The following FBXL17 variants were observed in gnomAD, a reference collection of about 807,000 sequenced individuals.
The protein encoded by FBXL17 is F-box/LRR-repeat protein 17.
A neutral mutation model predicts 66.2 loss-of-function variants in FBXL17; 22 were observed. That is an observed-to-expected ratio of 0.33 (90% CI 0.24 to 0.47). The LOEUF is 0.47. FBXL17 is among the 20% of genes least tolerant of loss of function. The pLI is 1.00. For synonymous variants in FBXL17, 474 were observed against 400.5 expected (o/e 1.18, Z -2.19); for missense variants, 878 against 948.2 (o/e 0.93, Z 0.97).
chr5:108,327,160 T>A lies in FBXL17; in HGVS notation c.1506+21239A>T, dbSNP rs940177494. 7.9e-5 allele frequency among the ~76,000 whole-genome samples: 12 copies of A among 152,308 alleles called. No homozygotes were observed. In the East Asian group the frequency reaches 2.3e-3, roughly 29 times the overall value. On this transcript the variant is annotated intron_variant, in intron 4 of 8. Coordinates refer to ENST00000542267, the MANE Select transcript of FBXL17 (RefSeq NM_001163315.3). Reference sequence around the variant, plus strand: ...TCAGCAATAAAAAAGCAATAAACTATGATATACATACAATACTCACCTAGG... The same window carrying A: ...TCAGCAATAAAAAAGCAATAAACTAAGATATACATACAATACTCACCTAGG...
chr5:107,933,734 G>A (rs1382999594), intron 7 of FBXL17, among the ~76,000 whole-genome samples: 1 of 152,070 alleles, frequency 6.6e-6, no homozygotes, highest in African/African-American at 2.4e-5. Context: ...CAAAGTGTGA[G>A]GTAGTGTTAG....
chr5:107,963,061 A>AG (rs1238892074), intron 7 of FBXL17, among the ~76,000 whole-genome samples: 2 of 152,186 alleles, frequency 1.3e-5, no homozygotes, highest in Non-Finnish European at 2.9e-5. Context: ...TGGAGGTGCT[A>AG]ATCTCATACT....
intron 7 of FBXL17, among the ~76,000 whole-genome samples, chr5:108,011,373 A>G (rs1754162280): frequency 6.6e-6 from 1 of 152,198 alleles, no homozygotes; most frequent in Non-Finnish European, 1.5e-5. Context: ...TTTTGCTCCT[A>G]CTTTTCATTG....
chr5:108,043,905 C>T (rs1363155921), intron 6 of FBXL17, among the ~76,000 whole-genome samples: 1 of 152,164 alleles, frequency 6.6e-6, no homozygotes. Context: ...TTCTGGCATA[C>T]AATCCCTATA....
At chr5:108,368,062 G>T in intron 1 of FBXL17, 109 bp from the exon 2 acceptor site, 1 of 1,013,430 alleles carries the variant, frequency 9.9e-7, no homozygotes, top group Non-Finnish European at 1.4e-6. Context: ...AAACCTTCTT[G>T]AATAAAAGAG....
chr5:108,126,830 ATT>A (rs1750735280), intron 6 of FBXL17, among the ~76,000 whole-genome samples: 1 of 151,822 alleles, frequency 6.6e-6, no homozygotes, highest in Non-Finnish European at 1.5e-5. Context: ...CTAAAGATAC[ATT>A]TAGCAAAAAA....
intron 6 of FBXL17, among the ~76,000 whole-genome samples, chr5:108,110,909 A>G (rs998060904): frequency 1.3e-5 from 2 of 152,202 alleles, no homozygotes; most frequent in African/African-American, 4.8e-5. Context: ...AAATATCATA[A>G]TAATTATTAA....
At chr5:108,008,352 C>T (rs908109259) in intron 7 of FBXL17, among the ~76,000 whole-genome samples, 3 of 152,064 alleles carry the variant, frequency 2.0e-5, no homozygotes, top group East Asian at 1.9e-4. Context: ...AAGTTGAAAA[C>T]GAATGCTTTA....
chr5:107,880,043 G>T, intron 8 of FBXL17: 2 of 398,786 alleles, frequency 5.0e-6, no homozygotes, highest in Non-Finnish European at 6.8e-6. Flanking sequence ...GAAAACACCT[G>T]TGGAGTGCCT....
chr5:108,020,941 A>T lies in FBXL17; in HGVS notation c.1806T>A (p.Cys602Ter). The change falls in exon 7 of 9, where the codon TGT becomes TGA. Residue 602 changes from cysteine (C) to a stop codon, truncating the protein, a stop_gained. Coordinates refer to ENST00000542267, the MANE Select transcript of FBXL17 (RefSeq NM_001163315.3). LOFTEE classifies it high-confidence loss of function. ...QNLKELYLVS[C>*]KITDYALIAI... ...ATTACCTACCATAATCTGTGATTTT[A>T]CAGGACACCAAATATAGCTCTTTCA... The T allele has an allele frequency of 6.2e-7, 1 of 1,608,758 alleles. No individual in the cohort carries two copies. The highest frequency in any genetic ancestry group is 8.5e-7 in the Non-Finnish European group (1 of 1,175,802).
chr5:108,318,913 T>C (rs925933392), intron 4 of FBXL17, among the ~76,000 whole-genome samples: 9 of 151,892 alleles, frequency 5.9e-5, no homozygotes, highest in Admixed American at 6.6e-5. Context: ...TTAAAAATCA[T>C]AGTGAAAATG....
chr5:108,024,001 A>G (rs1754700309), intron 6 of FBXL17, among the ~76,000 whole-genome samples: 1 of 152,182 alleles, frequency 6.6e-6, no homozygotes, highest in Admixed American at 6.5e-5. Flanking sequence ...TTTGGTCTGT[A>G]GGAGCAAGCC....
chr5:107,941,496 A>C (rs1751097994), intron 7 of FBXL17, among the ~76,000 whole-genome samples: 1 of 152,150 alleles, frequency 6.6e-6, no homozygotes, highest in African/African-American at 2.4e-5. Flanking sequence ...GTTTCCTCGG[A>C]TGTGAAGCCA....
chr5:107,871,069 A>AAAAAAAAAAAAC lies in FBXL17; in HGVS notation c.1966-9210_1966-9209insGTTTTTTTTTTT, dbSNP rs1456052737. On this transcript the variant is annotated intron_variant, in intron 8 of 8. Transcript: ENST00000542267. ...TACTCTTGGGCGGCAAAAAAAAAAA[A>AAAAAAAAAAAAC]AAAAAAAAAACCTCATCTAAAAATC... Among the ~76,000 whole-genome samples, 1,172 of 129,866 alleles carry AAAAAAAAAAAAC rather than the reference A, an allele frequency of 9.0e-3. 61 individuals are homozygous for AAAAAAAAAAAAC. The highest frequency in any genetic ancestry group is 0.036 in the African/African-American group (1,100 of 30,786). 85.2% of individuals were successfully genotyped at this position (129,866 alleles called of 152,430 possible).
rs184283114 is a variant in FBXL17 at position 108,353,235 on chromosome 5, C to A, written c.1375-4705G>T. ...TCCATCAGAGAAATGAAGACACAGA[C>A]CAAACCACTGCCACAAAACTGCAGA... On this transcript the variant is annotated intron_variant, in intron 3 of 8. Transcript: ENST00000542267. Among the ~76,000 whole-genome samples, 17 of 152,262 alleles carry A rather than the reference C, an allele frequency of 1.1e-4. No homozygotes were observed. The East Asian group carries it at 3.3e-3, about 29-fold the overall frequency.
intron 6 of FBXL17, among the ~76,000 whole-genome samples, chr5:108,131,871 T>C (rs115271957): frequency 0.013 from 1,999 of 152,286 alleles, 42 homozygotes; most frequent in African/African-American, 0.044. Context: ...TTAAGAGTAA[T>C]TGACACATAA....
intron 6 of FBXL17, among the ~76,000 whole-genome samples, chr5:108,084,269 CT>C (rs1748886189): frequency 6.6e-6 from 1 of 152,186 alleles, no homozygotes; most frequent in African/African-American, 2.4e-5. Flanking sequence ...AGCAATGCTG[CT>C]TGTGTACGGT....
intron 4 of FBXL17, among the ~76,000 whole-genome samples, chr5:108,324,962 A>T (rs1333895098): frequency 1.3e-5 from 2 of 152,050 alleles, no homozygotes; most frequent in Non-Finnish European, 2.9e-5. Context: ...GAGGAATCAA[A>T]GTCAGAAAGG....
chr5:108,068,014 T>A (rs80047420), intron 6 of FBXL17, among the ~76,000 whole-genome samples: 3,342 of 152,332 alleles, frequency 0.022, 131 homozygotes, highest in African/African-American at 0.077. Context: ...CTTGGACATT[T>A]ATTGACAGTT....
Sources: gnomAD v4.1 joint callset for allele counts (sites outside exome capture counted in the v4.1 genomes callset) on GRCh38, gnomAD v4.1.1 for gene constraint, MANE v1.5 for transcripts, NCBI Gene and HGNC (gene_info 2026-07-23, HGNC 2026-07-21) for gene names.